The following ABCG5 variants were observed in gnomAD, a reference collection of about 807,000 sequenced individuals.
ABCG5 encodes the protein ATP binding cassette subfamily G member 5.
In ABCG5, 64 loss-of-function variants were observed where a neutral mutation model predicts 64.5. The observed-to-expected ratio is 0.99, with a 90% confidence interval of 0.81 to 1.22. The LOEUF (loss-of-function observed/expected upper bound fraction) is 1.22, where lower values mean the gene tolerates loss of function less well. Among genes scored for constraint, ABCG5 ranks in the 50% most tolerant of loss-of-function variants. The pLI is 0.00. For synonymous variants in ABCG5, 385 were observed against 326.3 expected (o/e 1.18, Z -1.94); for missense variants, 908 against 829.5 (o/e 1.09, Z -1.16).
At position 43,832,049 on chromosome 2, in the gene ABCG5, G is replaced by A. The variant is rs1212418813; in HGVS notation, c.300C>T (p.Ser100=). ...SGKTTLLDAM[S]GRLGRAGTFL... ...AGGTCCCCGCGCGCCCCAGCCTCCCGGACATGGCGTCCAGCAGCGTGGTTT... is the reference window on the plus strand; with the variant it reads ...AGGTCCCCGCGCGCCCCAGCCTCCCAGACATGGCGTCCAGCAGCGTGGTTT... The change falls in exon 3 of 13, where the codon TCC becomes TCT. Residue 100 remains serine, a synonymous_variant. Transcript: ENST00000405322. 8.2e-6 allele frequency: 13 copies of A among 1,581,168 alleles called. No homozygotes were observed. Among genetic ancestry groups the A allele is most frequent in the South Asian group, 7.0e-5 (6 of 86,064 alleles).
Position 43,837,498 on chromosome 2 carries a change from T to C in ABCG5, c.265+336A>G, listed in dbSNP as rs530816169. Among the ~76,000 whole-genome samples the C allele has an allele frequency of 7.2e-5, 11 of 152,306 alleles. No individual in the cohort carries two copies. The South Asian group carries it at 2.3e-3, about 32-fold the overall frequency. On this transcript the variant is annotated intron_variant, in intron 2 of 12. Coordinates refer to ENST00000405322, the MANE Select transcript of ABCG5 (RefSeq NM_022436.3). ...ACTGGAATCAAAGATAGGGGCTTAA[T>C]GGGCATTTTTGTGCTTATTTAATCC...
chr2:43,824,527 C>A, intron 7 of ABCG5, 95 bp from the exon 8 acceptor site: 1 of 1,593,536 alleles, frequency 6.3e-7, no homozygotes. Context: ...GCCATAATAC[C>A]TCATCCCATC....
In ABCG5 at chr2:43,819,876, A is replaced by G. The variant is rs376119487; in HGVS notation, c.1649+39T>C. 3.5e-5 allele frequency: 56 copies of G among 1,605,278 alleles called. 1 individual carries two copies. The highest frequency in any genetic ancestry group is 4.3e-6 in the Non-Finnish European group (5 of 1,172,204). The stretch of plus-strand genomic sequence containing the variant: ...ATTATTAGGTGATCATTAATAACAG[A>G]TTATCCCAATCTAAATTTTTTGAAT... On this transcript the variant is annotated intron_variant, in intron 11 of 12. Coordinates refer to ENST00000405322, the MANE Select transcript of ABCG5 (RefSeq NM_022436.3).
rs956437085 is a variant in ABCG5 at position 43,838,092 on chromosome 2, G to T, written c.144-137C>A. On this transcript the variant is annotated intron_variant, in intron 1 of 12. Coordinates refer to ENST00000405322, the MANE Select transcript of ABCG5 (RefSeq NM_022436.3). This position sits in a 1 kb window ranked among gnomAD's most constrained non-coding sequence, Gnocchi z 4.2. Reference sequence around the variant, plus strand: ...GCTCCTAACGTGTTTCAGTCTCTGCGCCCTCCTCTGTAGAACCTGGCAGAT... The same window carrying T: ...GCTCCTAACGTGTTTCAGTCTCTGCTCCCTCCTCTGTAGAACCTGGCAGAT... 2.1e-5 allele frequency: 25 copies of T among 1,191,396 alleles called. No homozygotes were observed. In the South Asian group the frequency reaches 2.9e-4, roughly 14 times the overall value. The allele number at this position is 1,191,396 out of a possible 1,614,324, so 73.8% of individuals were successfully genotyped here.
rs72542427 is a variant in ABCG5 at position 43,838,630 on chromosome 2, A to C, written c.50T>G (p.Val17Gly). 2.3e-4 allele frequency: 372 copies of C among 1,613,438 alleles called. 2 individuals carry two copies. The African/African-American group carries it at 4.4e-3, about 19-fold the overall frequency. ...CAGGGAGCTCTGGGAGCCTCTGTTT[A>C]CTTGGAGACCCATGGACCCTCCGGG... ...LTPGGSMGLQ[V>G]NRGSQSSLEG... Residue 17 changes from valine to glycine, a missense_variant, in exon 1 of 13, where the codon GTA becomes GGA. Transcript: ENST00000405322. The surrounding 1 kb of genome is among the most constrained non-coding windows in gnomAD (Gnocchi z 4.2).
intron 4 of ABCG5, among the ~76,000 whole-genome samples, chr2:43,830,114 T>C (rs1308525130): frequency 6.6e-6 from 1 of 152,068 alleles, no homozygotes; most frequent in Non-Finnish European, 1.5e-5. Flanking sequence ...TCATAAGGAG[T>C]AAGCTTGCCC....
In ABCG5 at chr2:43,838,508, G is replaced by T. The variant is rs778694949; in HGVS notation, c.143+29C>A. On this transcript the variant is annotated intron_variant, in intron 1 of 12. Coordinates refer to ENST00000405322, the MANE Select transcript of ABCG5 (RefSeq NM_022436.3). This position sits in a 1 kb window ranked among gnomAD's most constrained non-coding sequence, Gnocchi z 4.2. Reference sequence around the variant, plus strand: ...AGCGCCGGGCCCCGCACTCCTGGGGGAGCAGCAGCAGCAAGGGCTCTGCCT... The same window carrying T: ...AGCGCCGGGCCCCGCACTCCTGGGGTAGCAGCAGCAGCAAGGGCTCTGCCT... 5 of 1,579,136 alleles carry T rather than the reference G, an allele frequency of 3.2e-6. No individual in the cohort carries two copies. The South Asian group carries it at 5.8e-5, about 18-fold the overall frequency.
At chr2:43,834,693 T>C (rs1668153057) in intron 2 of ABCG5, among the ~76,000 whole-genome samples, 1 of 152,240 alleles carries the variant, frequency 6.6e-6, no homozygotes, top group Admixed American at 6.5e-5. Context: ...ATAAGGTTAA[T>C]GCCCTAAAGG....
chr2:43,814,639 C>T (rs751676334), intron 11 of ABCG5, 50 bp from the exon 12 acceptor site: 11 of 1,074,510 alleles, frequency 1.0e-5, no homozygotes, highest in African/African-American at 3.1e-5. Context: ...TGGCAATAGT[C>T]CTACCAAATG....
chr2:43,836,011 A>G (rs2104884419), intron 2 of ABCG5, among the ~76,000 whole-genome samples: 1 of 151,800 alleles, frequency 6.6e-6, no homozygotes, highest in Admixed American at 6.6e-5. Context: ...ATCTTGGCTC[A>G]CTACAACCTC....
chr2:43,814,684 A>G, intron 11 of ABCG5, 95 bp from the exon 12 acceptor site: 1 of 735,250 alleles, frequency 1.4e-6, no homozygotes, highest in South Asian at 1.7e-5. Context: ...TCCAACAGGA[A>G]TATAGTTTTC....
rs764907076 is a variant in ABCG5 at position 43,825,021 on chromosome 2, G to C, written c.775-3C>G. 6.2e-7 allele frequency: 1 copy of C among 1,613,476 alleles called. No individual in the cohort carries two copies. The highest frequency in any genetic ancestry group is 1.1e-5 in the South Asian group (1 of 90,884). ...AGGATGGCAATTTTGTCAAAGAGCT[G>C]ACCAGACAACAGACGTAGTTAGTGT... On this transcript the variant is annotated splice_polypyrimidine_tract_variant and splice_region_variant and intron_variant, in intron 6 of 12. Coordinates refer to ENST00000405322, the MANE Select transcript of ABCG5 (RefSeq NM_022436.3).
chr2:43,806,369 G>A, the ABCG5 span, among the ~76,000 whole-genome samples: 1 of 152,210 alleles, frequency 6.6e-6, no homozygotes, highest in African/African-American at 2.4e-5. Flanking sequence ...TGTCAGCTGG[G>A]AGTAGGAGCC....
At chr2:43,816,518 A>C (rs1251476310) in intron 11 of ABCG5, among the ~76,000 whole-genome samples, 1 of 152,162 alleles carries the variant, frequency 6.6e-6, no homozygotes, top group Non-Finnish European at 1.5e-5. Context: ...TTGACATGAC[A>C]TTGTCCACAT....
At chr2:43,806,573 C>T in the ABCG5 span, among the ~76,000 whole-genome samples, 1 of 152,074 alleles carries the variant, frequency 6.6e-6, no homozygotes, top group Non-Finnish European at 1.5e-5. Context: ...TGCAGCCTGG[C>T]TATAAGGATT....
intron 2 of ABCG5, among the ~76,000 whole-genome samples, chr2:43,834,458 C>G (rs1033258436): frequency 3.3e-5 from 5 of 152,188 alleles, no homozygotes; most frequent in Non-Finnish European, 7.3e-5. Flanking sequence ...CATAGACATT[C>G]TGAGAGATCA....
chr2:43,817,367 C>T (rs931427561), intron 11 of ABCG5, among the ~76,000 whole-genome samples: 5 of 152,060 alleles, frequency 3.3e-5, no homozygotes, highest in African/African-American at 1.2e-4. Flanking sequence ...CACCTGTAAT[C>T]CCAGCTATTC....
chr2:43,820,637 C>T (rs1280752554), intron 10 of ABCG5, among the ~76,000 whole-genome samples: 1 of 152,122 alleles, frequency 6.6e-6, no homozygotes, highest in Non-Finnish European at 1.5e-5. Flanking sequence ...ATTCTACCAA[C>T]CCCTTCCACT....
rs1160201715 is a variant in ABCG5, at chr2:43,813,181, T to A, written c.1891A>T (p.Ile631Phe). 30 of 1,558,064 alleles carry A rather than the reference T, an allele frequency of 1.9e-5. No individual in the cohort carries two copies. In the Admixed American group the frequency reaches 4.0e-4, roughly 21 times the overall value. ...TMNFLILYSFIPALVILGIVV... is the reference protein window; with the variant it reads ...TMNFLILYSFFPALVILGIVV... ...ATTCCTAGGATGACAAGAGCTGGAA[T>A]AAATGAATACAAAATCAGAAAGTTC... Residue 631 changes from isoleucine (I) to phenylalanine (F), a missense_variant, in exon 13 of 13, where the codon ATT becomes TTT. Ile to Phe is a conservative substitution (Grantham distance 21). Coordinates refer to ENST00000405322, the MANE Select transcript of ABCG5 (RefSeq NM_022436.3).
Sources: gnomAD v4.1 joint callset for allele counts (sites outside exome capture counted in the v4.1 genomes callset) on GRCh38, gnomAD v4.1.1 for gene constraint, Gnocchi (gnomAD v3.1) non-coding constraint, MANE v1.5 for transcripts, NCBI Gene and HGNC (gene_info 2026-07-23, HGNC 2026-07-21) for gene names.